Variants in EPB41 observed in about 807,000 individuals in gnomAD.
The protein encoded by EPB41 is protein 4.1.
Under a neutral mutation model 108.0 loss-of-function variants are expected in EPB41, and 65 were observed. That is an observed-to-expected ratio of 0.60 (90% confidence interval 0.49 to 0.74). The LOEUF is 0.74. Among genes scored for constraint, EPB41 ranks in the 30% least tolerant of loss-of-function variants. EPB41 has a pLI of 0.00. For missense variants in EPB41, 875 were observed against 1,037.0 expected (o/e 0.84, Z 2.15); for synonymous variants, 336 against 358.9 (o/e 0.94, Z 0.72).
rs1301345952 is a variant in EPB41 at position 29,099,284 on chromosome 1, A to AG, written c.2313+1349_2313+1350insG. Among the ~76,000 whole-genome samples, 156 of 150,438 alleles carry AG rather than the reference A, an allele frequency of 1.0e-3. 2 individuals are homozygous for AG. The highest frequency in any genetic ancestry group is 6.9e-3 in the Middle Eastern group (2 of 290). On this transcript the variant is annotated intron_variant, in intron 17 of 20. Coordinates refer to ENST00000343067, the MANE Select transcript of EPB41 (RefSeq NM_001376013.1). Reference sequence around the variant, plus strand: ...CCACTGCATTAAAAAAAAAAAAAAAAAAGAAGAAGAAGAAGAGATTACTGG... The same window carrying AG: ...CCACTGCATTAAAAAAAAAAAAAAAAGAAGAAGAAGAAGAAGAGATTACTGG...
chr1:29,068,889 T>G (rs909687380), intron 16 of EPB41: 7 of 969,840 alleles, frequency 7.2e-6, no homozygotes, highest in Non-Finnish European at 8.0e-6. Flanking sequence ...GAATACCTTT[T>G]TTTCTTTTGG....
At position 29,097,856 on chromosome 1, in the gene EPB41, C is replaced by T; in HGVS notation, c.2234C>T (p.Ala745Val). 1 of 1,613,986 alleles carries T rather than the reference C, an allele frequency of 6.2e-7. No individual in the cohort carries two copies. Among genetic ancestry groups the T allele is most frequent in the Middle Eastern group, 1.7e-4 (1 of 6,058 alleles). The change falls in exon 17 of 21, where the codon GCT becomes GTT. Residue 745 changes from alanine (A) to valine (V), a missense_variant. Physicochemically the swap from Ala to Val is moderately conservative, Grantham distance 64 (BLOSUM62 0). Around this residue, in one of 3 missense-constraint regions of EPB41, gnomAD observed 519 missense variants for 627.3 expected, o/e 0.83. Coordinates refer to ENST00000343067, the MANE Select transcript of EPB41 (RefSeq NM_001376013.1). Reference sequence around the variant, plus strand: ...GTCACCATCTCAGATAATGCCAATGCTGTGAAAAGTGAAATCCCAACCAAA... The same window carrying T: ...GTCACCATCTCAGATAATGCCAATGTTGTGAAAAGTGAAATCCCAACCAAA... Reference protein sequence around the residue: ...QTVTISDNANAVKSEIPTKDV... With the variant: ...QTVTISDNANVVKSEIPTKDV...
chr1:28,933,828 G>T (rs2093864489), intron 1 of EPB41, among the ~76,000 whole-genome samples: 1 of 152,112 alleles, frequency 6.6e-6, no homozygotes, highest in Admixed American at 6.6e-5. Flanking sequence ...CACGGTTTTA[G>T]ATTTACAGAT....
chr1:28,941,254 C>T (rs2094272399), intron 1 of EPB41, among the ~76,000 whole-genome samples: 1 of 151,826 alleles, frequency 6.6e-6, no homozygotes, highest in Non-Finnish European at 1.5e-5. Context: ...GTAGTGCTTG[C>T]CTGTAGTCCC....
At chr1:29,061,568 C>CTTTTTTT (rs1216571057) in intron 15 of EPB41, among the ~76,000 whole-genome samples, 2 of 89,888 alleles carry the variant, frequency 2.2e-5, no homozygotes, top group African/African-American at 8.6e-5. Flanking sequence ...TGCGCCTGGC[C>CTTTTTTT]TTTGTTTTTT....
chr1:28,996,797 G>A (rs113003001), intron 3 of EPB41, among the ~76,000 whole-genome samples: 9 of 152,048 alleles, frequency 5.9e-5, no homozygotes, highest in Non-Finnish European at 8.8e-5. Context: ...AGAAGAAATC[G>A]GAAAGTGACA....
intron 4 of EPB41, among the ~76,000 whole-genome samples, chr1:29,009,143 C>CTT (rs11330641): frequency 1.1e-4 from 15 of 140,600 alleles, no homozygotes; most frequent in African/African-American, 2.6e-4. Context: ...TTTAATCCTT[C>CTT]TTTTTTTTTT....
chr1:29,112,026 A>G (rs1669352930), intron 18 of EPB41, among the ~76,000 whole-genome samples: 1 of 151,950 alleles, frequency 6.6e-6, no homozygotes, highest in Non-Finnish European at 1.5e-5. Context: ...GTAGAAGTGT[A>G]CTCTACAAGG....
chr1:29,015,283 C>CTCTACAAAT (rs1247255494), intron 5 of EPB41, among the ~76,000 whole-genome samples: 1 of 151,800 alleles, frequency 6.6e-6, no homozygotes, highest in Non-Finnish European at 1.5e-5. Context: ...GTAGGCTGGG[C>CTCTACAAAT]GTGGTGGCTC....
chr1:28,937,540 A>G (rs891000974), intron 1 of EPB41, among the ~76,000 whole-genome samples: 34 of 152,140 alleles, frequency 2.2e-4, no homozygotes, highest in African/African-American at 8.2e-4. Context: ...GATGACAGGC[A>G]TGGGCCACCA....
intron 1 of EPB41, among the ~76,000 whole-genome samples, chr1:28,935,119 GA>G: frequency 6.6e-6 from 1 of 151,592 alleles, no homozygotes; most frequent in South Asian, 2.1e-4. Flanking sequence ...ATCAAAAAAA[GA>G]AAAAGCATAA....
intron 16 of EPB41, chr1:29,069,317 A>G: frequency 8.1e-7 from 1 of 1,231,530 alleles, no homozygotes. Flanking sequence ...TTGACTATGG[A>G]TAGCAGAGTA....
intron 1 of EPB41, among the ~76,000 whole-genome samples, chr1:28,967,007 G>A (rs1284016655): frequency 6.9e-6 from 1 of 144,252 alleles, no homozygotes; most frequent in East Asian, 2.0e-4. Context: ...AGATTCATAT[G>A]AGAACCTTTT....
At chr1:29,051,236 C>G (rs1247755074) in intron 11 of EPB41, among the ~76,000 whole-genome samples, 1 of 150,780 alleles carries the variant, frequency 6.6e-6, no homozygotes, top group Non-Finnish European at 1.5e-5. Flanking sequence ...GTAGCTATGA[C>G]TACAGGCGCC....
intron 1 of EPB41, among the ~76,000 whole-genome samples, chr1:28,953,796 C>T (rs956815943): frequency 2.0e-5 from 3 of 152,172 alleles, no homozygotes; most frequent in African/African-American, 4.8e-5. Flanking sequence ...CACCAGGGTC[C>T]GAAGCCAAGG....
chr1:29,034,977 T>G (rs1371034483), intron 9 of EPB41, among the ~76,000 whole-genome samples: 15 of 104,222 alleles, frequency 1.4e-4, no homozygotes, highest in Middle Eastern at 5.9e-3. Flanking sequence ...TTTGTTGTTT[T>G]TTTTTTTTTT....
intron 18 of EPB41, among the ~76,000 whole-genome samples, chr1:29,111,513 C>T (rs1183760298): frequency 6.6e-6 from 1 of 151,662 alleles, no homozygotes; most frequent in Non-Finnish European, 1.5e-5. Context: ...ATTAGCCGGG[C>T]GTGGTGGCAG....
chr1:28,898,325 C>T (rs1419109681), intron 1 of EPB41, among the ~76,000 whole-genome samples: 3 of 152,150 alleles, frequency 2.0e-5, no homozygotes, highest in Non-Finnish European at 4.4e-5. Flanking sequence ...CTTCACCACC[C>T]CAGCCAGATC....
chr1:28,984,996 G>A (rs962259062), intron 1 of EPB41, among the ~76,000 whole-genome samples: 4 of 151,354 alleles, frequency 2.6e-5, no homozygotes, highest in East Asian at 1.9e-4. Flanking sequence ...ATGGAGTCTC[G>A]CTCTGTTGCC....
Sources: allele counts gnomAD v4.1 joint callset (sites outside exome capture counted in the v4.1 genomes callset), GRCh38; gene constraint gnomAD v4.1.1; regional missense constraint gnomAD v4.1.1; transcripts MANE v1.5; gene names NCBI Gene and HGNC (gene_info 2026-07-23, HGNC 2026-07-21).